DTX3L: variants seen among roughly 807,000 people sequenced by gnomAD.
DTX3L encodes E3 ubiquitin-protein ligase DTX3L.
DTX3L carries 34 observed loss-of-function variants against 60.9 expected under a neutral mutation model. That is an observed-to-expected ratio of 0.56 (90% confidence interval 0.42 to 0.74). DTX3L has a LOEUF of 0.74. Ranked by LOEUF, DTX3L falls within the 30% of genes least tolerant of loss-of-function variation. The pLI, the probability that DTX3L is intolerant of heterozygous loss-of-function variation, is 0.00. For missense variants in DTX3L, 810 were observed against 874.0 expected, an observed-to-expected ratio of 0.93 and a Z score of 0.92; for synonymous variants, 290 against 316.6, an observed-to-expected ratio of 0.92 and a Z score of 0.89.
chr3:122,571,862 A>G lies in DTX3L; in HGVS notation c.*115A>G, dbSNP rs960787501. On this transcript the variant is annotated 3_prime_UTR_variant, in exon 5 of 5. Coordinates refer to ENST00000296161, the MANE Select transcript of DTX3L (RefSeq NM_138287.3). The stretch of plus-strand genomic sequence containing the variant: ...AAGGACTTTGAAATTTTTCTTCTCA[A>G]GAAATGGTTTGTATAAGAATAACAA... 3.5e-6 allele frequency: 3 copies of G among 851,858 alleles called. No individual in the cohort carries two copies. Among genetic ancestry groups the G allele is most frequent in the Non-Finnish European group, 5.4e-6 (3 of 559,060 alleles). 52.8% of individuals were successfully genotyped at this position (851,858 alleles called of 1,614,324 possible).
rs764784741 is a variant in DTX3L at position 122,569,222 on chromosome 3, T to C, written c.1133T>C (p.Ile378Thr). ...GCTGCCAATTACATGATGAATGTAA[T>C]TGAGGTTGATAGTGCCCACTATAAA... ...LFAANYMMNV[I>T]EVDSAHYKLL... Residue 378 changes from isoleucine (I) to threonine (T), a missense_variant, in exon 3 of 5, where the codon ATT becomes ACT. By Grantham distance (89) the Ile-to-Thr change is moderately conservative. Transcript: ENST00000296161. 4 of 1,614,066 alleles carry C rather than the reference T, an allele frequency of 2.5e-6. No homozygotes were observed. The highest frequency in any genetic ancestry group is 3.3e-5 in the Admixed American group (2 of 59,998).
intron 3 of DTX3L, 60 bp downstream of exon 3, chr3:122,570,084 G>A (rs765895492): frequency 1.9e-6 from 3 of 1,539,576 alleles, no homozygotes; most frequent in Non-Finnish European, 2.7e-6. Flanking sequence ...CAGGGCAAAA[G>A]AGACTGTCCT....
At position 122,564,927 on chromosome 3, in the gene DTX3L, C is replaced by T. The variant is rs560305448; in HGVS notation, c.187+314C>T. On this transcript the variant is annotated intron_variant, in intron 1 of 4. Transcript: ENST00000296161. ...CCCCAGATGCCTGCCAGCTGCTGTC[C>T]TTGTCATTCAGGGATTCCACTTTTA... Among the ~76,000 whole-genome samples the T allele has an allele frequency of 2.0e-5, 3 of 152,320 alleles. No homozygotes were observed. The East Asian group carries it at 5.8e-4, about 29-fold the overall frequency.
rs1243388456 is a variant in DTX3L, at chr3:122,569,869, C to T, written c.1780C>T (p.Pro594Ser). 2 of 1,614,126 alleles carry T rather than the reference C, an allele frequency of 1.2e-6. No individual in the cohort carries two copies. Among genetic ancestry groups the T allele is most frequent in the Non-Finnish European group, 8.5e-7 (1 of 1,180,028 alleles). The change falls in exon 3 of 5, where the codon CCA becomes TCA. Residue 594 changes from proline to serine, a missense_variant. By Grantham distance (74) the Pro-to-Ser change is moderately conservative. Transcript: ENST00000296161. The part of the protein sequence containing the change: ...PCINKAMSYK[P>S]ICPTCQTSYG... The stretch of plus-strand genomic sequence containing the variant: ...TATCAACAAAGCCATGTCATATAAG[C>T]CAATCTGTCCCACATGCCAGACTTC...
In DTX3L at chr3:122,570,541, G is replaced by C. The variant is rs1193890264; in HGVS notation, c.2022G>C (p.Leu674Phe). ...LPDNKEGRKV[L>F]KLLYRAFDQK... ...ATAATAAGGAAGGAAGGAAGGTTTT[G>C]AAACTGCTTTATAGGGCCTTTGACC... Residue 674 changes from leucine to phenylalanine, a missense_variant, in exon 4 of 5, where the codon TTG (leucine) becomes TTC (phenylalanine). By Grantham distance (22) the Leu-to-Phe change is conservative. Transcript: ENST00000296161. The C allele has an allele frequency of 6.2e-7, 1 of 1,614,172 alleles. No individual in the cohort carries two copies. Among genetic ancestry groups the C allele is most frequent in the South Asian group, 1.1e-5 (1 of 91,078 alleles).
At chr3:122,568,377 T>G (rs934606313) in intron 2 of DTX3L, 112 bp from the exon 3 acceptor site, 1 of 576,538 alleles carries the variant, frequency 1.7e-6, no homozygotes, top group African/African-American at 1.9e-5. Context: ...TGCCCCCACT[T>G]GGGAAAGATG....
intron 2 of DTX3L, among the ~76,000 whole-genome samples, chr3:122,567,651 A>G (rs1169754142): frequency 1.3e-5 from 2 of 152,188 alleles, no homozygotes; most frequent in Non-Finnish European, 2.9e-5. Context: ...ACAAGAATAA[A>G]GGAGGAAGAG....
At position 122,564,353 on chromosome 3, in the gene DTX3L, G is replaced by A; in HGVS notation, c.-74G>A. ...AAGCGAAACTGAAACTTTGCGCCCA[G>A]TCCGCAGGGCGGGCCGCGCCTTTAC... On this transcript the variant is annotated 5_prime_UTR_variant, in exon 1 of 5. Transcript: ENST00000296161. 6.7e-7 allele frequency: 1 copy of A among 1,489,576 alleles called. No homozygotes were observed. The allele number at this position is 1,489,576 out of a possible 1,614,324, so 92.3% of individuals were successfully genotyped here.
In DTX3L at chr3:122,571,723, G is replaced by C. The variant is rs2080647051; in HGVS notation, c.2199G>C (p.Glu733Asp). ...DPSYLKRVKE[E>D]LKAKGIE The stretch of plus-strand genomic sequence containing the variant: ...CTTACCTGAAACGTGTCAAAGAGGA[G>C]CTGAAAGCCAAAGGAATTGAGTAAG... The change falls in exon 5 of 5, where the codon GAG becomes GAC. Residue 733 changes from glutamate (E) to aspartate (D), a missense_variant. Transcript: ENST00000296161. The C allele has an allele frequency of 6.2e-7, 1 of 1,613,196 alleles. No individual in the cohort carries two copies. The highest frequency in any genetic ancestry group is 1.3e-5 in the African/African-American group (1 of 74,902).
chr3:122,570,623 A>G lies in DTX3L; in HGVS notation c.2104A>G (p.Thr702Ala), dbSNP rs2107782584. The G allele has an allele frequency of 3.1e-6, 5 of 1,614,202 alleles. No homozygotes were observed. The highest frequency in any genetic ancestry group is 3.4e-6 in the Non-Finnish European group (4 of 1,180,034). The part of the protein sequence containing the change: ...SRVLGVSDVI[T>A]WNDIHHKTSR... ...CGTATTAGGAGTCTCAGATGTCATCACTTGGAATGATATTCACCACAAAAC... is the reference window on the plus strand; with the variant it reads ...CGTATTAGGAGTCTCAGATGTCATCGCTTGGAATGATATTCACCACAAAAC... The change falls in exon 4 of 5, where the codon ACT becomes GCT. Residue 702 changes from threonine (T) to alanine (A), a missense_variant. By Grantham distance (58) the Thr-to-Ala change is moderately conservative. Transcript: ENST00000296161.
chr3:122,566,529 ATTT>A (rs67205013), intron 2 of DTX3L, among the ~76,000 whole-genome samples: 2 of 146,148 alleles, frequency 1.4e-5, no homozygotes, highest in African/African-American at 2.5e-5. Flanking sequence ...CACCCAGCCA[ATTT>A]TTTTTTTTTT....
Position 122,572,124 on chromosome 3 carries a change from A to G in DTX3L, c.*377A>G. ...GAGACAGGGTTTCACTGTGTTAGCC[A>G]GGATGGTCTCGATCTCCTGACCTCG... On this transcript the variant is annotated 3_prime_UTR_variant, in exon 5 of 5. Transcript: ENST00000296161. 6.0e-6 allele frequency: 1 copy of G among 167,316 alleles called. No homozygotes were observed. The highest frequency in any genetic ancestry group is 1.5e-4 in the South Asian group (1 of 6,538). 10.4% of individuals were successfully genotyped at this position (167,316 alleles called of 1,614,324 possible). A position where few individuals can be genotyped will look rare whatever the true frequency, so the allele number is the denominator to read the frequency against.
rs200460795 is a variant in DTX3L at position 122,564,516 on chromosome 3, C to T, written c.90C>T (p.Phe30=). 6.8e-6 allele frequency: 11 copies of T among 1,612,384 alleles called. No individual in the cohort carries two copies. In the Admixed American group the frequency reaches 1.2e-4, roughly 17 times the overall value. Residue 30 remains phenylalanine, a synonymous_variant, in exon 1 of 5, where the codon TTC becomes TTT. Transcript: ENST00000296161. ...TACGAAGGAAGCTGGAGAGCTACTTCCAGAGCTCTAAGTCCTCGGGCGGCG... is the reference window on the plus strand; with the variant it reads ...TACGAAGGAAGCTGGAGAGCTACTTTCAGAGCTCTAAGTCCTCGGGCGGCG... ...PRVRRKLESY[F]QSSKSSGGGE... is the part of the protein sequence containing the mutation.
rs976097726 is a variant in DTX3L at position 122,572,380 on chromosome 3, C to A, written c.*633C>A. ...CTGCCAATTGATCTCTTTTTCATTGCCATCTCTGGGGTGGTTCTTTGGTTT... is the reference window on the plus strand; with the variant it reads ...CTGCCAATTGATCTCTTTTTCATTGACATCTCTGGGGTGGTTCTTTGGTTT... On this transcript the variant is annotated 3_prime_UTR_variant, in exon 5 of 5. Coordinates refer to ENST00000296161, the MANE Select transcript of DTX3L (RefSeq NM_138287.3). The A allele has an allele frequency of 6.6e-6, 1 of 152,106 alleles. No individual in the cohort carries two copies. The highest frequency in any genetic ancestry group is 2.4e-5 in the African/African-American group (1 of 41,404). The allele number at this position is 152,106 out of a possible 1,614,324, so 9.4% of individuals were successfully genotyped here.
rs754576277 is a variant in DTX3L at position 122,571,763 on chromosome 3, A to G, written c.*16A>G. ...AATTGAGTAAGACAACTGCTGGAAG[A>G]TGTCTTAAATCAAGCTTTCAAAAAA... On this transcript the variant is annotated 3_prime_UTR_variant, in exon 5 of 5. Transcript: ENST00000296161. 6.2e-7 allele frequency: 1 copy of G among 1,600,432 alleles called. No individual in the cohort carries two copies. The highest frequency in any genetic ancestry group is 1.7e-5 in the Admixed American group (1 of 58,370).
intron 1 of DTX3L, 60 bp from the exon 2 acceptor site, chr3:122,565,799 A>C (rs1344057959): frequency 1.3e-6 from 2 of 1,507,054 alleles, no homozygotes; most frequent in Non-Finnish European, 1.8e-6. Context: ...TGAGAGGATT[A>C]CTTGAAATCT....
Position 122,572,979 on chromosome 3 carries a change from T to A in DTX3L, c.*1232T>A, listed in dbSNP as rs1367033605. ...AGAACACCTGAGACTGGGTAATTGA[T>A]AAAGAAAAAGGTTTGTTTGGCTCAC... On this transcript the variant is annotated 3_prime_UTR_variant, in exon 5 of 5. Coordinates refer to ENST00000296161, the MANE Select transcript of DTX3L (RefSeq NM_138287.3). 1.3e-5 allele frequency: 2 copies of A among 152,176 alleles called. No individual in the cohort carries two copies. The highest frequency in any genetic ancestry group is 2.9e-5 in the Non-Finnish European group (2 of 68,056). 9.4% of individuals were successfully genotyped at this position (152,176 alleles called of 1,614,324 possible).
At position 122,570,015 on chromosome 3, in the gene DTX3L, C is replaced by G. The variant is rs754820243; in HGVS notation, c.1926C>G (p.Gly642=). The G allele has an allele frequency of 6.2e-7, 1 of 1,613,746 alleles. No homozygotes were observed. The highest frequency in any genetic ancestry group is 1.7e-5 in the Admixed American group (1 of 60,020). The change falls in exon 3 of 5, where the codon GGC becomes GGG. Residue 642 remains glycine (G), a synonymous_variant. Coordinates refer to ENST00000296161, the MANE Select transcript of DTX3L (RefSeq NM_138287.3). The stretch of plus-strand genomic sequence containing the variant: ...TGATTACTTATTCTATGAAAGCAGG[C>G]ATACAAACAGTAAGTATTTCTCAAG... ...TIVITYSMKA[G]IQTEEHPNPG... is the part of the protein sequence containing the mutation.
rs1425773489 is a variant in DTX3L at position 122,569,348 on chromosome 3, T to C, written c.1259T>C (p.Phe420Ser). The C allele has an allele frequency of 1.2e-6, 2 of 1,614,194 alleles. No individual in the cohort carries two copies. Among genetic ancestry groups the C allele is most frequent in the East Asian group, 4.5e-5 (2 of 44,886 alleles). ...AAAGGTCAGAAAACCTGCATTCTGT[T>C]TGAATCCAAGGACAGGCAGGTAGAT... is the stretch of plus-strand genomic sequence containing the variant. Reference protein sequence around the residue: ...SEKGQKTCILFESKDRQVDLS... With the variant: ...SEKGQKTCILSESKDRQVDLS... The change falls in exon 3 of 5, where the codon TTT (phenylalanine) becomes TCT (serine). Residue 420 changes from phenylalanine to serine, a missense_variant. Coordinates refer to ENST00000296161, the MANE Select transcript of DTX3L (RefSeq NM_138287.3).
Sources: allele counts gnomAD v4.1 joint callset (sites outside exome capture counted in the v4.1 genomes callset), GRCh38; gene constraint gnomAD v4.1.1; transcripts MANE v1.5; gene names NCBI Gene and HGNC (gene_info 2026-07-23, HGNC 2026-07-21).